The following PCNX2 variants were observed in gnomAD, a reference collection of about 807,000 sequenced individuals.
PCNX2 encodes the protein pecanex 2, also known as pecanex-like protein 2.
Under a neutral mutation model 223.8 loss-of-function variants are expected in PCNX2, and 168 were observed. The observed-to-expected ratio is 0.75, with a 90% confidence interval of 0.66 to 0.85. The LOEUF (loss-of-function observed/expected upper bound fraction) is 0.85, where lower values mean the gene tolerates loss of function less well. Among genes scored for constraint, PCNX2 ranks in the 40% least tolerant of loss-of-function variants. The pLI is 0.00. For synonymous variants in PCNX2, 1,006 were observed against 1,052.6 expected, an observed-to-expected ratio of 0.96 and a Z score of 0.86; for missense variants, 2,507 against 2,675.5, an observed-to-expected ratio of 0.94 and a Z score of 1.39.
chr1:233,071,333 T>C (rs931918594), intron 23 of PCNX2, among the ~76,000 whole-genome samples: 2 of 152,164 alleles, frequency 1.3e-5, no homozygotes, highest in African/African-American at 2.4e-5. Context: ...CACCCTCTGA[T>C]AGGTCCCAGT....
At chr1:233,035,921 T>A (rs1671438876) in intron 25 of PCNX2, among the ~76,000 whole-genome samples, 1 of 152,136 alleles carries the variant, frequency 6.6e-6, no homozygotes, top group African/African-American at 2.4e-5. Context: ...TGTATAGTGG[T>A]AGAGATATTA....
chr1:233,210,245 AC>A (rs2102914619), intron 12 of PCNX2, among the ~76,000 whole-genome samples: 1 of 152,130 alleles, frequency 6.6e-6, no homozygotes, highest in East Asian at 1.9e-4. Context: ...GGGTCCCCAA[AC>A]CATACTAAGC....
At chr1:233,303,690 G>A in the PCNX2 span, among the ~76,000 whole-genome samples, 7 of 151,966 alleles carry the variant, frequency 4.6e-5, no homozygotes, top group South Asian at 6.2e-4. Flanking sequence ...TGTGCACAAC[G>A]TGCAGGTTAG....
intron 25 of PCNX2, among the ~76,000 whole-genome samples, chr1:233,039,188 A>T (rs1671559657): frequency 6.6e-6 from 1 of 152,214 alleles, no homozygotes; most frequent in African/African-American, 2.4e-5. Flanking sequence ...AACCAAAAAT[A>T]CTTTCTGAAA....
chr1:233,245,011 C>T (rs949496685), intron 8 of PCNX2, among the ~76,000 whole-genome samples: 1 of 152,200 alleles, frequency 6.6e-6, no homozygotes, highest in Non-Finnish European at 1.5e-5. Context: ...AATAGATTCC[C>T]ATCACTCCTG....
chr1:233,257,398 T>C (rs1417934910), intron 5 of PCNX2, among the ~76,000 whole-genome samples: 4 of 152,174 alleles, frequency 2.6e-5, no homozygotes, highest in Non-Finnish European at 5.9e-5. Flanking sequence ...TCATCTAAAC[T>C]GGGGACTCTT....
chr1:233,118,352 G>C (rs1675547139), intron 21 of PCNX2, among the ~76,000 whole-genome samples: 2 of 152,140 alleles, frequency 1.3e-5, no homozygotes, highest in African/African-American at 4.8e-5. Context: ...ACTCTTATCT[G>C]ACATAGTGCT....
rs371404594 is a variant in PCNX2, at chr1:233,014,664, C to T, written c.4952+1G>A. The T allele has an allele frequency of 2.5e-6, 4 of 1,613,192 alleles. No individual in the cohort carries two copies. Among genetic ancestry groups the T allele is most frequent in the Non-Finnish European group, 2.5e-6 (3 of 1,179,220 alleles). ...AGATTCTAACTTCTCCCCCCAGGTA[C>T]CTGATGGCCATATTGTGAGCGGCTG... On this transcript the variant is annotated splice_donor_variant, in intron 28 of 33. Coordinates refer to ENST00000258229, the MANE Select transcript of PCNX2 (RefSeq NM_014801.4). LOFTEE classifies it high-confidence loss of function.
chr1:232,998,105 C>T (rs1669941141), intron 32 of PCNX2, 146 bp downstream of exon 32: 4 of 781,882 alleles, frequency 5.1e-6, no homozygotes, highest in Middle Eastern at 3.7e-4. Context: ...TGAGCAGAAC[C>T]TACAAGAGTC....
intron 5 of PCNX2, among the ~76,000 whole-genome samples, chr1:233,255,672 G>A (rs1354634112): frequency 6.6e-6 from 1 of 152,118 alleles, no homozygotes; most frequent in Non-Finnish European, 1.5e-5. Context: ...AGAGAACCTG[G>A]GCTGGAAATA....
chr1:233,079,114 C>A (rs16858621), intron 23 of PCNX2, among the ~76,000 whole-genome samples: 14,503 of 152,158 alleles, frequency 0.095, 752 homozygotes, highest in East Asian at 0.16. Context: ...TTTTGTCTGC[C>A]ACTCAGCCCT....
chr1:233,016,500 C>T (rs3766483), intron 27 of PCNX2, among the ~76,000 whole-genome samples: 16,527 of 152,116 alleles, frequency 0.11, 1,026 homozygotes, highest in Non-Finnish European at 0.14. Context: ...CACAAAATAA[C>T]GATGACAGAA....
intron 17 of PCNX2, among the ~76,000 whole-genome samples, chr1:233,176,739 G>A (rs1679498742): frequency 6.6e-6 from 1 of 152,198 alleles, no homozygotes; most frequent in Non-Finnish European, 1.5e-5. Flanking sequence ...CTAGGCTGGG[G>A]GCGGTGGCTC....
chr1:233,185,124 CACACACAT>C (rs1395222027), intron 15 of PCNX2, among the ~76,000 whole-genome samples: 3 of 137,790 alleles, frequency 2.2e-5, no homozygotes, highest in South Asian at 2.3e-4. Context: ...CACACACACA[CACACACAT>C]CCCTCAGATT....
Position 232,987,545 on chromosome 1 carries a change from GACAA to G in PCNX2, c.5792-1009_5792-1006del, listed in dbSNP as rs537957007. On this transcript the variant is annotated intron_variant, in intron 32 of 33. Coordinates refer to ENST00000258229, the MANE Select transcript of PCNX2 (RefSeq NM_014801.4). ...CTGCTACAATTAGGCATTAAATAAA[GACAA>G]ACAAGGGGGCGGAGGCATGAGTATC... is the stretch of plus-strand genomic sequence containing the variant. Among the ~76,000 whole-genome samples, 14 of 152,328 alleles carry G rather than the reference GACAA, an allele frequency of 9.2e-5. No homozygotes were observed. In the South Asian group the frequency reaches 2.9e-3, roughly 32 times the overall value.
rs1421363428 is a variant in PCNX2, at chr1:233,295,131, T to C, written c.153+195A>G. Reference sequence around the variant, plus strand: ...GCCCCCGCAGTCCTGTCTACTTCTTTTCTTTTCCAGTGAATCCTCACAGTC... The same window carrying C: ...GCCCCCGCAGTCCTGTCTACTTCTTCTCTTTTCCAGTGAATCCTCACAGTC... On this transcript the variant is annotated intron_variant, in intron 1 of 33. Coordinates refer to ENST00000258229, the MANE Select transcript of PCNX2 (RefSeq NM_014801.4). This position sits in a 1 kb window ranked among gnomAD's most constrained non-coding sequence, Gnocchi z 4.1. Among the ~76,000 whole-genome samples, 1 of 152,148 alleles carries C rather than the reference T, an allele frequency of 6.6e-6. No homozygotes were observed. The highest frequency in any genetic ancestry group is 1.5e-5 in the Non-Finnish European group (1 of 68,012).
At chr1:233,022,700 T>C (rs973803016) in intron 26 of PCNX2, among the ~76,000 whole-genome samples, 2 of 75,120 alleles carry the variant, frequency 2.7e-5, no homozygotes, top group African/African-American at 8.6e-5. Flanking sequence ...TCTTTCTTTT[T>C]TTTTTTTTTT....
At chr1:233,156,481 G>A (rs1678133184) in intron 19 of PCNX2, among the ~76,000 whole-genome samples, 1 of 152,188 alleles carries the variant, frequency 6.6e-6, no homozygotes, top group African/African-American at 2.4e-5. Flanking sequence ...ACTGGAGGAG[G>A]AGTATGCGCT....
chr1:233,296,566 G>C (rs535874409), upstream of PCNX2, among the ~76,000 whole-genome samples: 54 of 152,238 alleles, frequency 3.5e-4, no homozygotes, highest in African/African-American at 1.1e-3. Context: ...ATTCTCTTTT[G>C]AGAGTGGGTT....
Sources: gnomAD v4.1 joint callset for allele counts (sites outside exome capture counted in the v4.1 genomes callset) on GRCh38, gnomAD v4.1.1 for gene constraint, Gnocchi (gnomAD v3.1) non-coding constraint, MANE v1.5 for transcripts, NCBI Gene and HGNC (gene_info 2026-07-23, HGNC 2026-07-21) for gene names.